The following TRPC5 variants were observed in gnomAD, a reference collection of about 807,000 sequenced individuals.
TRPC5 encodes the protein transient receptor potential cation channel subfamily C member 5.
Under a neutral mutation model 56.5 loss-of-function variants are expected in TRPC5, and 9 were observed. The observed-to-expected ratio is 0.16, with a 90% CI of 0.10 to 0.28. The LOEUF is 0.28. Among genes scored for constraint, TRPC5 ranks in the 10% least tolerant of loss-of-function variants. The pLI is 1.00. For missense variants in TRPC5, 469 were observed against 748.9 expected, an observed-to-expected ratio of 0.63 and a Z score of 4.36; for synonymous variants, 282 against 278.5, an observed-to-expected ratio of 1.01 and a Z score of -0.13.
intron 2 of TRPC5, among the ~76,000 whole-genome samples, chrX:111,940,454 G>T (rs777615746): frequency 2.7e-5 from 3 of 111,249 alleles, no homozygotes; most frequent in South Asian, 7.6e-4. Flanking sequence ...ACTTTGGGAG[G>T]CTGAGGTGGG....
intron 1 of TRPC5, among the ~76,000 whole-genome samples, chrX:111,962,928 C>T (rs1927426801): frequency 8.9e-6 from 1 of 111,838 alleles, no homozygotes; most frequent in South Asian, 3.8e-4. Flanking sequence ...TTCTGCATTT[C>T]CATCTGAGGT....
intron 7 of TRPC5, among the ~76,000 whole-genome samples, chrX:111,785,284 A>G (rs1438381645): frequency 8.9e-6 from 1 of 112,135 alleles, no homozygotes; most frequent in East Asian, 2.8e-4. Context: ...CTGGAGTGGA[A>G]CTACAGCAAA....
rs1313948679 is a variant in TRPC5, at chrX:111,922,967, C to T, written c.379-10155G>A. ...ATGCTGGAGTATTTTATTTAGTCCT[C>T]ACTATAGCTCTATGCTATAGGCATA... On this transcript the variant is annotated intron_variant, in intron 2 of 10. Coordinates refer to ENST00000262839, the MANE Select transcript of TRPC5 (RefSeq NM_012471.3). 2.7e-5 allele frequency among the ~76,000 whole-genome samples: 3 copies of T among 111,540 alleles called. No homozygotes were observed. The East Asian group carries it at 8.4e-4, about 31-fold the overall frequency.
intron 7 of TRPC5, among the ~76,000 whole-genome samples, chrX:111,802,640 T>C (rs1355408762): frequency 1.8e-5 from 2 of 111,106 alleles, no homozygotes; most frequent in Non-Finnish European, 3.8e-5. Context: ...GGATAATTTG[T>C]AGTGGTATTA....
intron 1 of TRPC5, among the ~76,000 whole-genome samples, chrX:112,012,553 C>G (rs1375058966): frequency 9.1e-6 from 1 of 110,203 alleles, no homozygotes; most frequent in Non-Finnish European, 1.9e-5. Flanking sequence ...CTTATGTAGT[C>G]CATTGTTCTA....
At chrX:111,788,029 T>A (rs191706540) in intron 7 of TRPC5, among the ~76,000 whole-genome samples, 8 of 111,791 alleles carry the variant, frequency 7.2e-5, no homozygotes, top group Non-Finnish European at 1.3e-4. Flanking sequence ...ATCCAATCAA[T>A]AGATAAAGAC....
At chrX:112,060,991 C>G (rs1439557039) in intron 1 of TRPC5, among the ~76,000 whole-genome samples, 1 of 112,617 alleles carries the variant, frequency 8.9e-6, no homozygotes, top group Admixed American at 9.4e-5. Flanking sequence ...CCTCCAACAA[C>G]TGGCCATTTC....
At chrX:112,002,171 C>T (rs113356278) in intron 1 of TRPC5, among the ~76,000 whole-genome samples, 2,115 of 112,367 alleles carry the variant, frequency 0.019, 53 homozygotes, top group African/African-American at 0.064. Context: ...CACTGCTCCT[C>T]TGCTCAAAAC....
At chrX:111,900,155 T>C (rs1199011820) in intron 3 of TRPC5, among the ~76,000 whole-genome samples, 1 of 111,966 alleles carries the variant, frequency 8.9e-6, no homozygotes, top group Non-Finnish European at 1.9e-5. Flanking sequence ...CCAATAAATA[T>C]TCAAGGATTA....
chrX:111,909,470 C>T (rs17222601), intron 3 of TRPC5, among the ~76,000 whole-genome samples: 1 of 110,977 alleles, frequency 9.0e-6, no homozygotes, highest in Non-Finnish European at 1.9e-5. Flanking sequence ...TTCAAAAATG[C>T]ATCCTAGTGA....
intron 1 of TRPC5, among the ~76,000 whole-genome samples, chrX:112,034,539 A>G (rs1463280890): frequency 2.7e-5 from 3 of 110,334 alleles, no homozygotes; most frequent in African/African-American, 9.8e-5. Flanking sequence ...ATCATTTGAG[A>G]TGAAGATGTG....
chrX:111,825,146 CCTTTCTTTCTTTCTTTCTTT>C (rs570710450), intron 7 of TRPC5, among the ~76,000 whole-genome samples: 1,340 of 59,335 alleles, frequency 0.023, 30 homozygotes, highest in Admixed American at 0.054. Flanking sequence ...TTCCTTCCTT[CCTTTCTTTCTTTCTTTCTTT>C]CTTTCTTTCT....
At chrX:112,020,971 C>T (rs1054943222) in intron 1 of TRPC5, among the ~76,000 whole-genome samples, 1 of 107,687 alleles carries the variant, frequency 9.3e-6, no homozygotes, top group Non-Finnish European at 1.9e-5. Flanking sequence ...CTTCAGGCCA[C>T]TTGATAACTT....
At chrX:112,015,304 G>A (rs1220161139) in intron 1 of TRPC5, among the ~76,000 whole-genome samples, 1 of 111,521 alleles carries the variant, frequency 9.0e-6, no homozygotes, top group African/African-American at 3.3e-5. Flanking sequence ...GCGTGCTTCA[G>A]AGCCACCTGA....
In TRPC5 at chrX:111,888,833, A is replaced by G. The variant is rs139280874; in HGVS notation, c.900+23458T>C. On this transcript the variant is annotated intron_variant, in intron 3 of 10. Coordinates refer to ENST00000262839, the MANE Select transcript of TRPC5 (RefSeq NM_012471.3). ...GATGATAGTGTGATGGTGTCTCACA[A>G]TGACAAGTGATCAGATTGTGGATAT... 1.2e-4 allele frequency among the ~76,000 whole-genome samples: 13 copies of G among 111,443 alleles called. No homozygotes were observed. The East Asian group carries it at 3.7e-3, about 31-fold the overall frequency.
At chrX:112,011,096 GA>G (rs756828228) in intron 1 of TRPC5, among the ~76,000 whole-genome samples, 2 of 111,527 alleles carry the variant, frequency 1.8e-5, no homozygotes, top group South Asian at 3.8e-4. Context: ...TGTGTAGGGG[GA>G]AAAAAGGATC....
intron 7 of TRPC5, among the ~76,000 whole-genome samples, chrX:111,785,597 C>T (rs1436331908): frequency 1.8e-5 from 2 of 111,479 alleles, no homozygotes; most frequent in African/African-American, 3.3e-5. Flanking sequence ...TTCAGAAGGT[C>T]GGTAATAACA....
At chrX:111,996,139 C>T (rs1010950934) in intron 1 of TRPC5, among the ~76,000 whole-genome samples, 1 of 112,126 alleles carries the variant, frequency 8.9e-6, no homozygotes, top group Non-Finnish European at 1.9e-5. Flanking sequence ...AAATTTCCCT[C>T]TACACACTGC....
intron 1 of TRPC5, among the ~76,000 whole-genome samples, chrX:111,967,084 C>T (rs1441926672): frequency 1.3e-4 from 15 of 111,634 alleles, no homozygotes; most frequent in African/African-American, 1.6e-4. Flanking sequence ...AAAACCCCAT[C>T]ATCTCAGCCC....
Sources: gnomAD v4.1 joint callset for allele counts (sites outside exome capture counted in the v4.1 genomes callset) on GRCh38, gnomAD v4.1.1 for gene constraint, MANE v1.5 for transcripts, NCBI Gene and HGNC (gene_info 2026-07-23, HGNC 2026-07-21) for gene names.